SHROOM2: variants seen among roughly 807,000 people sequenced by gnomAD.
SHROOM2 encodes the protein shroom family member 2.
In SHROOM2, 33 loss-of-function variants were observed where a neutral mutation model predicts 75.9. The ratio of observed to expected loss-of-function variants is 0.43; its 90% CI spans 0.33 to 0.58. The LOEUF (loss-of-function observed/expected upper bound fraction) is 0.58, where lower values mean the gene tolerates loss of function less well. Among genes scored for constraint, SHROOM2 ranks in the 20% least tolerant of loss-of-function variants. SHROOM2 has a pLI of 0.04. For synonymous variants in SHROOM2, 655 were observed against 663.6 expected (o/e 0.99, Z 0.20); for missense variants, 1,434 against 1,461.2 (o/e 0.98, Z 0.30).
chrX:9,936,422 TAAAAA>T (rs1012480311), intron 6 of SHROOM2, among the ~76,000 whole-genome samples: 1 of 110,118 alleles, frequency 9.1e-6, no homozygotes, highest in Non-Finnish European at 1.9e-5. Flanking sequence ...GACACTTTTT[TAAAAA>T]AAAAGCAAAA....
At chrX:9,941,162 G>A (rs759683141) in intron 8 of SHROOM2, among the ~76,000 whole-genome samples, 2 of 112,327 alleles carry the variant, frequency 1.8e-5, no homozygotes, top group African/African-American at 6.5e-5. Flanking sequence ...GGTGAGTGCA[G>A]GGCCCAGACA....
intron 1 of SHROOM2, among the ~76,000 whole-genome samples, chrX:9,848,731 A>C (rs1302191333): frequency 9.1e-6 from 1 of 110,110 alleles, no homozygotes; most frequent in Non-Finnish European, 1.9e-5. Context: ...CCTTTGGCCA[A>C]TTTTTTAGCT....
At chrX:9,809,224 A>G (rs1230647681) in intron 1 of SHROOM2, among the ~76,000 whole-genome samples, 1 of 111,414 alleles carries the variant, frequency 9.0e-6, no homozygotes, top group Non-Finnish European at 1.9e-5. Flanking sequence ...AAGGAGAGCC[A>G]GTCCGAGTCC....
intron 1 of SHROOM2, among the ~76,000 whole-genome samples, chrX:9,797,522 C>T (rs1468740376): frequency 1.8e-5 from 2 of 112,867 alleles, no homozygotes; most frequent in East Asian, 5.5e-4. Context: ...TTCTTTTACA[C>T]CCATGCTGGA....
At chrX:9,799,807 G>A (rs1447832562) in intron 1 of SHROOM2, among the ~76,000 whole-genome samples, 1 of 110,631 alleles carries the variant, frequency 9.0e-6, no homozygotes, top group Non-Finnish European at 1.9e-5. Flanking sequence ...ATATCTATAT[G>A]TGCAGCCTCA....
intron 6 of SHROOM2, among the ~76,000 whole-genome samples, chrX:9,933,369 A>C (rs6530349): frequency 0.035 from 3,914 of 110,572 alleles, 163 homozygotes; most frequent in African/African-American, 0.12. Flanking sequence ...CTTTTGTTAA[A>C]GCAGAAGAAT....
intron 1 of SHROOM2, among the ~76,000 whole-genome samples, chrX:9,864,601 G>A (rs1262649268): frequency 9.1e-6 from 1 of 109,995 alleles, no homozygotes; most frequent in African/African-American, 3.3e-5. Flanking sequence ...GGCAGATCAC[G>A]AGGTCAGGAG....
At chrX:9,809,817 C>T (rs940544302) in intron 1 of SHROOM2, among the ~76,000 whole-genome samples, 2 of 111,435 alleles carry the variant, frequency 1.8e-5, no homozygotes, top group African/African-American at 6.5e-5. Flanking sequence ...TACAGGCGTG[C>T]ACCACGATGC....
At position 9,896,703 on chromosome X, in the gene SHROOM2, G is replaced by A. The variant is rs764473600; in HGVS notation, c.2790+5G>A. The A allele has an allele frequency of 1.9e-5, 22 of 1,162,148 alleles. No individual in the cohort carries two copies. Among genetic ancestry groups the A allele is most frequent in the Non-Finnish European group, 2.4e-5 (21 of 870,259 alleles). On this transcript the variant is annotated splice_donor_5th_base_variant and intron_variant, in intron 4 of 9. Transcript: ENST00000380913. ...TCCACAGACCACTACAAGCAGGTAA[G>A]CATGGAGCCACAGCCCCCTTGACCA...
intron 1 of SHROOM2, among the ~76,000 whole-genome samples, chrX:9,801,896 C>T (rs779324851): frequency 1.3e-4 from 14 of 110,947 alleles, no homozygotes; most frequent in African/African-American, 4.6e-4. Flanking sequence ...GTTGAGGCTG[C>T]GGTGAGCTGT....
In SHROOM2 at chrX:9,895,653, A is replaced by G. The variant is rs1157874085; in HGVS notation, c.1745A>G (p.Gln582Arg). The G allele has an allele frequency of 1.7e-6, 2 of 1,168,594 alleles. No homozygotes were observed. The highest frequency in any genetic ancestry group is 2.5e-5 in the Admixed American group (1 of 40,051). Residue 582 changes from glutamine (Q) to arginine (R), a missense_variant, in exon 4 of 10, where the codon CAG becomes CGG. Physicochemically the swap from Gln to Arg is conservative, Grantham distance 43. Transcript: ENST00000380913. ...ADGESSRICP[Q>R]ETPLLHSLTQ... ...GGGGAGAGCAGCAGGATCTGCCCGC[A>G]GGAGACGCCCCTGTTGCACTCCCTG...
chrX:9,896,504 C>T lies in SHROOM2; in HGVS notation c.2596C>T (p.Leu866=). 8.3e-7 allele frequency: 1 copy of T among 1,210,005 alleles called. No homozygotes were observed. The highest frequency in any genetic ancestry group is 1.1e-6 in the Non-Finnish European group (1 of 894,544). Residue 866 remains leucine (L), a synonymous_variant, in exon 4 of 10, where the codon CTG becomes TTG. Transcript: ENST00000380913. ...AGCGGAGAAGGCAGGGACTTCAGAC[C>T]TGCCGCGGAGGCTCGGCACCTTTGC... is the stretch of plus-strand genomic sequence containing the variant. ...SAAEKAGTSD[L]PRRLGTFAEY...
intron 8 of SHROOM2, among the ~76,000 whole-genome samples, chrX:9,944,246 A>C (rs4830679): frequency 0.18 from 19,476 of 110,203 alleles, 1,313 homozygotes; most frequent in East Asian, 0.29. Context: ...GGTGCTGGAC[A>C]TAAGACTCAC....
At chrX:9,829,655 G>A (rs2083905573) in intron 1 of SHROOM2, among the ~76,000 whole-genome samples, 1 of 112,376 alleles carries the variant, frequency 8.9e-6, no homozygotes, top group Admixed American at 9.4e-5. Flanking sequence ...TGGAAACAAG[G>A]ATGGTGAATC....
chrX:9,823,014 TCTCCTTCTCCTTCTCCTCCTC>T (rs2083862138), intron 1 of SHROOM2, among the ~76,000 whole-genome samples: 1 of 63,476 alleles, frequency 1.6e-5, no homozygotes, highest in African/African-American at 7.4e-5. Flanking sequence ...TTCTTCTTCT[TCTCCTTCTCCTTCTCCTCCTC>T]CTCCTCCTCC....
chrX:9,815,480 G>A (rs199725279), intron 1 of SHROOM2, among the ~76,000 whole-genome samples: 1,568 of 87,772 alleles, frequency 0.018, 26 homozygotes, highest in African/African-American at 0.062. Context: ...GTGTGTGTGT[G>A]TATATAATAT....
chrX:9,854,357 G>T (rs985376504), intron 1 of SHROOM2, among the ~76,000 whole-genome samples: 3 of 111,524 alleles, frequency 2.7e-5, no homozygotes, highest in African/African-American at 9.8e-5. Context: ...AGGGGTGTCG[G>T]GATGGCTCTC....
At chrX:9,830,856 C>T (rs1168058922) in intron 1 of SHROOM2, among the ~76,000 whole-genome samples, 3 of 111,166 alleles carry the variant, frequency 2.7e-5, no homozygotes, top group South Asian at 3.8e-4. Flanking sequence ...CTGCCCGTCT[C>T]GGCCTCCCAA....
At chrX:9,847,793 T>A (rs928030912) in intron 1 of SHROOM2, among the ~76,000 whole-genome samples, 1 of 112,260 alleles carries the variant, frequency 8.9e-6, no homozygotes, top group Non-Finnish European at 1.9e-5. Context: ...CTACACAACA[T>A]TCCCTAGTCT....
Sources: gnomAD v4.1 joint callset for allele counts (sites outside exome capture counted in the v4.1 genomes callset) on GRCh38, gnomAD v4.1.1 for gene constraint, MANE v1.5 for transcripts, NCBI Gene and HGNC (gene_info 2026-07-23, HGNC 2026-07-21) for gene names.